ERC1: variants seen among roughly 807,000 people sequenced by gnomAD.
ERC1 encodes the protein ELKS/RAB6-interacting/CAST family member 1, also known as RAB6 interacting protein 2.
In ERC1, 56 loss-of-function variants were observed where a neutral mutation model predicts 132.0. The ratio of observed to expected loss-of-function variants is 0.42; its 90% CI spans 0.34 to 0.53. The LOEUF (loss-of-function observed/expected upper bound fraction) is 0.53. Ranked by LOEUF, ERC1 falls within the 20% of genes least tolerant of loss-of-function variation. The probability of loss-of-function intolerance (pLI) is 0.03; values close to 1 mark genes in which losing one functional copy is unlikely to be tolerated. For synonymous variants in ERC1, 478 were observed against 476.1 expected (o/e 1.00, Z -0.05); for missense variants, 1,202 against 1,349.9 (o/e 0.89, Z 1.72).
At chr12:1,343,126 C>T (rs1022940929) in intron 15 of ERC1, among the ~76,000 whole-genome samples, 3 of 152,134 alleles carry the variant, frequency 2.0e-5, no homozygotes, top group African/African-American at 7.2e-5. Flanking sequence ...GGAGTTAGAG[C>T]ACCTGGACTT....
intron 7 of ERC1, among the ~76,000 whole-genome samples, chr12:1,130,363 CT>C (rs1056825715): frequency 6.6e-6 from 1 of 152,026 alleles, no homozygotes; most frequent in Admixed American, 6.6e-5. Flanking sequence ...AGTTATAAGG[CT>C]TTGTTGATCT....
Position 1,069,665 on chromosome 12 carries a change from G to C in ERC1, c.670-13499G>C. On this transcript the variant is annotated intron_variant, in intron 2 of 18. Transcript: ENST00000360905. ...AATTTAGAAATTTTTAAACTTTAAA[G>C]GTAATTCGGTATGTATACCATTTAT... Among the ~76,000 whole-genome samples, 2 of 152,100 alleles carry C rather than the reference G, an allele frequency of 1.3e-5. 1 individual carries two copies. Among genetic ancestry groups the C allele is most frequent in the East Asian group, 3.8e-4 (2 of 5,198 alleles).
Position 1,425,426 on chromosome 12 carries a change from C to T in ERC1, c.3024+17179C>T, listed in dbSNP as rs192597452. Among the ~76,000 whole-genome samples, 3 of 152,260 alleles carry T rather than the reference C, an allele frequency of 2.0e-5. No individual in the cohort carries two copies. In the East Asian group the frequency reaches 5.8e-4, roughly 29 times the overall value. On this transcript the variant is annotated intron_variant, in intron 17 of 18. Transcript: ENST00000360905. ...AGAGCAGAGAAACAAACTTAAGTACCAGCATTCTCACCAGCCCAAATTCCT... is the reference window on the plus strand; with the variant it reads ...AGAGCAGAGAAACAAACTTAAGTACTAGCATTCTCACCAGCCCAAATTCCT...
intron 17 of ERC1, among the ~76,000 whole-genome samples, chr12:1,442,052 C>T (rs1221002640): frequency 6.6e-6 from 1 of 152,154 alleles, no homozygotes; most frequent in Non-Finnish European, 1.5e-5. Context: ...CTCAGCCTCC[C>T]ACATAGCTGG....
intron 2 of ERC1, among the ~76,000 whole-genome samples, chr12:1,029,860 G>T (rs2154151569): frequency 6.9e-6 from 1 of 145,378 alleles, no homozygotes; most frequent in Non-Finnish European, 1.5e-5. Flanking sequence ...TGATTCTCCT[G>T]TCTCAGCCTC....
intron 4 of ERC1, among the ~76,000 whole-genome samples, chr12:1,106,731 C>T (rs1357779097): frequency 6.6e-6 from 1 of 152,082 alleles, no homozygotes; most frequent in Admixed American, 6.5e-5. Flanking sequence ...CCCTTGTTAA[C>T]ACCTAAGAAT....
chr12:1,436,752 G>A (rs772918765), intron 17 of ERC1, among the ~76,000 whole-genome samples: 2 of 152,186 alleles, frequency 1.3e-5, no homozygotes, highest in African/African-American at 4.8e-5. Flanking sequence ...CATGCAGGGA[G>A]TTAAAAGCCA....
rs1015495515 is a variant in ERC1, at chr12:1,288,311, T to C, written c.2620-1541T>C. ...TGTTTGTTTAGTAGAGACAGGGTTT[T>C]GCCATGTTGGCCAGGCTAGTCTCGA... On this transcript the variant is annotated intron_variant, in intron 14 of 18. Coordinates refer to ENST00000360905, the MANE Select transcript of ERC1 (RefSeq NM_178040.4). 2.0e-5 allele frequency among the ~76,000 whole-genome samples: 3 copies of C among 152,218 alleles called. 1 individual carries two copies. Among genetic ancestry groups the C allele is most frequent in the Admixed American group, 1.3e-4 (2 of 15,284 alleles).
rs1367673012 is a variant in ERC1 at position 1,032,151 on chromosome 12, A to G, written c.669+3579A>G. Among the ~76,000 whole-genome samples the G allele has an allele frequency of 2.0e-5, 3 of 151,250 alleles. No individual in the cohort carries two copies. The East Asian group carries it at 5.8e-4, about 29-fold the overall frequency. ...ACCTCTGCCTCCTGGGTCCTGGTTC[A>G]AGCAGTTCTCCTGCCTCAGCCTCCT... On this transcript the variant is annotated intron_variant, in intron 2 of 18. Transcript: ENST00000360905.
intron 14 of ERC1, among the ~76,000 whole-genome samples, chr12:1,287,516 G>A (rs749678674): frequency 4.6e-5 from 7 of 152,160 alleles, no homozygotes; most frequent in Non-Finnish European, 1.0e-4. Flanking sequence ...TGATGTGGGT[G>A]GGCCTTATCC....
chr12:1,299,679 A>C (rs908699445), intron 15 of ERC1, among the ~76,000 whole-genome samples: 1 of 152,154 alleles, frequency 6.6e-6, no homozygotes, highest in Non-Finnish European at 1.5e-5. Flanking sequence ...GAGAATCAAC[A>C]GAAAATTCAC....
chr12:1,273,467 A>G (rs1303950724), intron 14 of ERC1, among the ~76,000 whole-genome samples: 1 of 152,206 alleles, frequency 6.6e-6, no homozygotes, highest in East Asian at 1.9e-4. Context: ...TTTCTTCACA[A>G]GTGCTTATTG....
chr12:1,329,765 C>T (rs182421722), intron 15 of ERC1, among the ~76,000 whole-genome samples: 18 of 152,244 alleles, frequency 1.2e-4, no homozygotes, highest in Non-Finnish European at 1.9e-4. Flanking sequence ...AGGGTTATGT[C>T]AGAGGTGGAC....
chr12:1,458,942 C>G (rs947015952), intron 18 of ERC1, among the ~76,000 whole-genome samples: 9 of 152,220 alleles, frequency 5.9e-5, no homozygotes, highest in Non-Finnish European at 1.0e-4. Context: ...GGGGAAATGA[C>G]TGAGTCTAGG....
At chr12:1,490,044 T>G (rs1251929726) in intron 18 of ERC1, 49 bp from the exon 19 acceptor site, 2 of 1,596,022 alleles carry the variant, frequency 1.3e-6, no homozygotes, top group South Asian at 2.2e-5. Flanking sequence ...CTTAGCTCAG[T>G]GCAAATGGGA....
At chr12:1,191,024 A>G (rs370093529) in intron 12 of ERC1, among the ~76,000 whole-genome samples, 2 of 152,022 alleles carry the variant, frequency 1.3e-5, no homozygotes, top group South Asian at 2.1e-4. Flanking sequence ...TTCCTATTCT[A>G]TAGTCATAGA....
rs564225109 is a variant in ERC1 at position 1,169,461 on chromosome 12, C to T, written c.1738-11079C>T. ...GGGTTGTCAGAATCCTTTGGGACTT[C>T]GTGGCAGCTGAATCGCTCCCTCTGT... On this transcript the variant is annotated intron_variant, in intron 8 of 18. Transcript: ENST00000360905. Among the ~76,000 whole-genome samples the T allele has an allele frequency of 7.2e-5, 11 of 152,296 alleles. No individual in the cohort carries two copies. In the Middle Eastern group the frequency reaches 0.014, roughly 188 times the overall value.
chr12:1,331,454 G>T (rs2082854064), intron 15 of ERC1, among the ~76,000 whole-genome samples: 1 of 152,010 alleles, frequency 6.6e-6, no homozygotes, highest in South Asian at 2.1e-4. Context: ...ATTTAGTTTG[G>T]GGCTCTTACA....
At chr12:1,196,937 CACACACACACACACACACACACACAT>C (rs1956346705) in intron 12 of ERC1, among the ~76,000 whole-genome samples, 1 of 41,598 alleles carries the variant, frequency 2.4e-5, no homozygotes, top group Non-Finnish European at 4.4e-5. Context: ...CACACACACA[CACACACACACACACACACACACACAT>C]ATATATATAT....
Sources: gnomAD v4.1 joint callset for allele counts (sites outside exome capture counted in the v4.1 genomes callset) on GRCh38, gnomAD v4.1.1 for gene constraint, MANE v1.5 for transcripts, NCBI Gene and HGNC (gene_info 2026-07-23, HGNC 2026-07-21) for gene names.